Variants in ULK4 observed in about 807,000 individuals in gnomAD.
ULK4 encodes the protein inactive serine/threonine-protein kinase ULK4.
In ULK4, 133 loss-of-function variants were observed where a neutral mutation model predicts 160.6. The ratio of observed to expected loss-of-function variants is 0.83; its 90% CI spans 0.72 to 0.96. The LOEUF (loss-of-function observed/expected upper bound fraction) is 0.96, where lower values mean the gene tolerates loss of function less well. ULK4 is among the 40% of genes least tolerant of loss of function. The pLI, the probability that ULK4 is intolerant of heterozygous loss-of-function variation, is 0.00. For missense variants in ULK4, 1,580 were observed against 1,499.5 expected (o/e 1.05, Z -0.89); for synonymous variants, 534 against 539.8 (o/e 0.99, Z 0.15).
chr3:41,840,749 C>A (rs1250719211), intron 17 of ULK4, among the ~76,000 whole-genome samples: 3 of 152,226 alleles, frequency 2.0e-5, no homozygotes, highest in African/African-American at 7.2e-5. Flanking sequence ...AGCCGCCTGC[C>A]TTGGCCTCCC....
Position 41,888,084 on chromosome 3 carries a change from A to G in ULK4, c.1578-4132T>C, listed in dbSNP as rs192196474. ...CCATTCCAGCCTCGGGGACACAGTGAGACCCTATTTTTTTTAGAGTGAGTC... is the reference window on the plus strand; with the variant it reads ...CCATTCCAGCCTCGGGGACACAGTGGGACCCTATTTTTTTTAGAGTGAGTC... On this transcript the variant is annotated intron_variant, in intron 16 of 36. Coordinates refer to ENST00000301831, the MANE Select transcript of ULK4 (RefSeq NM_017886.4). 8.1e-4 allele frequency among the ~76,000 whole-genome samples: 123 copies of G among 152,198 alleles called. 1 individual carries two copies. Among genetic ancestry groups the G allele is most frequent in the Admixed American group, 8.0e-3 (123 of 15,292 alleles).
intron 25 of ULK4, among the ~76,000 whole-genome samples, chr3:41,714,806 C>T (rs758727398): frequency 1.4e-4 from 21 of 147,372 alleles, no homozygotes; most frequent in Non-Finnish European, 2.4e-4. Flanking sequence ...GAGCCAAGAT[C>T]GCACCACTGC....
At chr3:41,477,764 T>C (rs892840983) in intron 32 of ULK4, among the ~76,000 whole-genome samples, 6 of 152,210 alleles carry the variant, frequency 3.9e-5, no homozygotes, top group Non-Finnish European at 7.3e-5. Context: ...CATGGAGCCA[T>C]GGAGCACCAA....
intron 30 of ULK4, among the ~76,000 whole-genome samples, chr3:41,622,735 C>T (rs1288522876): frequency 6.6e-6 from 1 of 152,122 alleles, no homozygotes; most frequent in Non-Finnish European, 1.5e-5. Context: ...CTTGCATGTT[C>T]TGCACATGTA....
intron 35 of ULK4, among the ~76,000 whole-genome samples, chr3:41,308,893 A>C (rs2079997568): frequency 6.6e-6 from 1 of 152,216 alleles, no homozygotes; most frequent in Non-Finnish European, 1.5e-5. Flanking sequence ...AGAACACAAA[A>C]CAGCTAAAGT....
intron 32 of ULK4, among the ~76,000 whole-genome samples, chr3:41,525,301 C>T (rs898349608): frequency 2.0e-5 from 3 of 152,110 alleles, no homozygotes; most frequent in Non-Finnish European, 2.9e-5. Flanking sequence ...TAGCATTACC[C>T]GTTCCTAAAG....
chr3:41,643,588 A>G (rs1487760076), intron 30 of ULK4, among the ~76,000 whole-genome samples: 2 of 152,148 alleles, frequency 1.3e-5, no homozygotes. Context: ...TGTTTTGGTT[A>G]CTGTAGCCTT....
At chr3:41,780,623 G>C (rs1243098164) in intron 21 of ULK4, among the ~76,000 whole-genome samples, 1 of 152,094 alleles carries the variant, frequency 6.6e-6, no homozygotes, top group Non-Finnish European at 1.5e-5. Flanking sequence ...AGCCACACTG[G>C]GTAGGTATGG....
chr3:41,915,875 G>A (rs935831638), intron 8 of ULK4, 102 bp downstream of exon 8: 1 of 770,048 alleles, frequency 1.3e-6, no homozygotes, highest in South Asian at 1.7e-5. Flanking sequence ...GTACATAAAA[G>A]GGGGAAAAGA....
intron 30 of ULK4, among the ~76,000 whole-genome samples, chr3:41,633,604 T>C (rs1026211213): frequency 6.6e-6 from 1 of 152,140 alleles, no homozygotes; most frequent in African/African-American, 2.4e-5. Flanking sequence ...GCAAAGATTA[T>C]TCAGGCAACA....
chr3:41,535,701 G>A (rs992051470), intron 32 of ULK4, among the ~76,000 whole-genome samples: 1 of 152,094 alleles, frequency 6.6e-6, no homozygotes, highest in African/African-American at 2.4e-5. Flanking sequence ...GTTTGCAAAC[G>A]CACATAACAT....
intron 32 of ULK4, among the ~76,000 whole-genome samples, chr3:41,545,046 G>A (rs991826187): frequency 1.6e-4 from 25 of 152,022 alleles, no homozygotes; most frequent in Non-Finnish European, 4.4e-5. Flanking sequence ...GGTAATTTAC[G>A]GAATTCTCAA....
At chr3:41,690,208 G>T (rs1390445243) in intron 27 of ULK4, among the ~76,000 whole-genome samples, 1 of 149,314 alleles carries the variant, frequency 6.7e-6, no homozygotes, top group Non-Finnish European at 1.5e-5. Flanking sequence ...ACCAAACACC[G>T]CATATTCTCA....
intron 32 of ULK4, among the ~76,000 whole-genome samples, chr3:41,484,223 A>T (rs17057835): frequency 2.0e-5 from 3 of 151,880 alleles, no homozygotes; most frequent in Non-Finnish European, 4.4e-5. Context: ...CAATAAATAT[A>T]GGATGTCTCC....
In ULK4 at chr3:41,330,273, A is replaced by C. The variant is rs148809700; in HGVS notation, c.3678+67806T>G. On this transcript the variant is annotated intron_variant, in intron 35 of 36. Transcript: ENST00000301831. ...TTCTGGAGTCTCAAAATGCTTTCCCAAGGAAATTAACCCTATACTGACTGC... is the reference window on the plus strand; with the variant it reads ...TTCTGGAGTCTCAAAATGCTTTCCCCAGGAAATTAACCCTATACTGACTGC... 2.6e-5 allele frequency among the ~76,000 whole-genome samples: 4 copies of C among 152,276 alleles called. No individual in the cohort carries two copies. In the East Asian group the frequency reaches 5.8e-4, roughly 22 times the overall value.
intron 35 of ULK4, among the ~76,000 whole-genome samples, chr3:41,304,894 C>T (rs554342881): frequency 6.6e-6 from 1 of 152,300 alleles, no homozygotes; most frequent in African/African-American, 2.4e-5. Context: ...GCATTTGGCC[C>T]AGCTGCAGGG....
At chr3:41,372,808 A>G (rs2081397191) in intron 35 of ULK4, among the ~76,000 whole-genome samples, 1 of 152,218 alleles carries the variant, frequency 6.6e-6, no homozygotes, top group South Asian at 2.1e-4. Flanking sequence ...CTTAAATGTA[A>G]ATGGGCTAAA....
chr3:41,615,085 G>A (rs868314188), intron 31 of ULK4, among the ~76,000 whole-genome samples: 53 of 152,188 alleles, frequency 3.5e-4, no homozygotes, highest in Admixed American at 3.5e-3. Context: ...ATTTATCAGA[G>A]ACAAAGAAAG....
At chr3:41,536,814 G>C (rs1412259212) in intron 32 of ULK4, among the ~76,000 whole-genome samples, 8 of 151,844 alleles carry the variant, frequency 5.3e-5, no homozygotes, top group Non-Finnish European at 1.5e-5. Context: ...AAACAGGAGA[G>C]GCAGGCACAC....
Sources: gnomAD v4.1 joint callset for allele counts (sites outside exome capture counted in the v4.1 genomes callset) on GRCh38, gnomAD v4.1.1 for gene constraint, MANE v1.5 for transcripts, NCBI Gene and HGNC (gene_info 2026-07-23, HGNC 2026-07-21) for gene names.